Variants in PPIL4 observed in about 807,000 individuals in gnomAD.
PPIL4 encodes peptidyl-prolyl cis-trans isomerase-like 4.
In PPIL4, 50 loss-of-function variants were observed where a neutral mutation model predicts 69.1. The observed-to-expected ratio is 0.72, with a 90% CI of 0.58 to 0.92. The LOEUF is 0.92. Among genes scored for constraint, PPIL4 ranks in the 40% least tolerant of loss-of-function variants. PPIL4 has a pLI of 0.00. For synonymous variants in PPIL4, 193 were observed against 191.6 expected, an observed-to-expected ratio of 1.01 and a Z score of -0.06; for missense variants, 480 against 587.9, an observed-to-expected ratio of 0.82 and a Z score of 1.90.
At chr6:149,521,335 C>T (rs1562258722) in intron 9 of PPIL4, among the ~76,000 whole-genome samples, 164 bp from the exon 10 acceptor site, 1 of 152,190 alleles carries the variant, frequency 6.6e-6, no homozygotes, top group Admixed American at 6.5e-5. Context: ...TCAAATACCT[C>T]TGGTAACAAC....
Position 149,512,214 on chromosome 6 carries a change from G to A in PPIL4, c.1168C>T (p.His390Tyr), listed in dbSNP as rs747835467. ...TCTTCTTTCTCTTCAGAACAGTGAT[G>A]GGTTTTCTTCTTGTGTTTTTTACTT... Reference protein sequence around the residue: ...HTSKKHKKKTHHCSEEKEDED... With the variant: ...HTSKKHKKKTYHCSEEKEDED... Residue 390 changes from histidine to tyrosine, a missense_variant, in exon 12 of 13, where the codon CAT becomes TAT. Physicochemically the swap from His to Tyr is moderately conservative, Grantham distance 83 (BLOSUM62 2). Coordinates refer to ENST00000253329, the MANE Select transcript of PPIL4 (RefSeq NM_139126.4). The A allele has an allele frequency of 1.9e-6, 3 of 1,613,262 alleles. No individual in the cohort carries two copies. Among genetic ancestry groups the A allele is most frequent in the Non-Finnish European group, 2.5e-6 (3 of 1,179,430 alleles).
chr6:149,543,289 A>G (rs1777390662), intron 1 of PPIL4, among the ~76,000 whole-genome samples: 1 of 152,200 alleles, frequency 6.6e-6, no homozygotes, highest in African/African-American at 2.4e-5. Flanking sequence ...TATAGGAAAC[A>G]GGGGACACAA....
In PPIL4 at chr6:149,524,772, G is replaced by A. The variant is rs190036183; in HGVS notation, c.870+371C>T. ...AAAAAATTAGCAGGGCATGGTGGTG[G>A]GCACCTGTAATCCCAGCTACTGGGG... On this transcript the variant is annotated intron_variant, in intron 9 of 12. Transcript: ENST00000253329. Among the ~76,000 whole-genome samples, 201 of 152,080 alleles carry A rather than the reference G, an allele frequency of 1.3e-3. 1 individual carries two copies. Among genetic ancestry groups the A allele is most frequent in the African/African-American group, 4.8e-3 (200 of 41,494 alleles).
intron 6 of PPIL4, among the ~76,000 whole-genome samples, 169 bp from the exon 7 acceptor site, chr6:149,533,743 G>C (rs1343881090): frequency 6.6e-6 from 1 of 152,060 alleles, no homozygotes; most frequent in African/African-American, 2.4e-5. Flanking sequence ...GACACAGTGA[G>C]ATCTTGTCTC....
Position 149,525,326 on chromosome 6 carries a change from A to G in PPIL4, c.804-117T>C, listed in dbSNP as rs139214711. ...GTTACTACAAGGCAAAGTTAAATTC[A>G]TAGATTATTTTTCCAAATTCATTTA... On this transcript the variant is annotated intron_variant, in intron 8 of 12. Coordinates refer to ENST00000253329, the MANE Select transcript of PPIL4 (RefSeq NM_139126.4). The G allele has an allele frequency of 2.4e-3, 1,350 of 551,038 alleles. 4 individuals carry two copies. The highest frequency in any genetic ancestry group is 3.3e-3 in the Non-Finnish European group (1,018 of 304,232). The allele number at this position is 551,038 out of a possible 1,614,324, so 34.1% of individuals were successfully genotyped here.
chr6:149,516,273 GCTT>G (rs1332143507), intron 11 of PPIL4, among the ~76,000 whole-genome samples: 19 of 152,110 alleles, frequency 1.2e-4, no homozygotes, highest in Admixed American at 4.6e-4. Context: ...CCAAATCTCA[GCTT>G]CTTATTTGGT....
intron 9 of PPIL4, among the ~76,000 whole-genome samples, chr6:149,521,682 T>C (rs1486201648): frequency 6.6e-6 from 1 of 152,248 alleles, no homozygotes; most frequent in African/African-American, 2.4e-5. Context: ...GATTATGGAA[T>C]GCTGACCCAG....
rs535937892 is a variant in PPIL4 at position 149,507,249 on chromosome 6, A to G, written c.1228-1545T>C. Among the ~76,000 whole-genome samples, 338 of 152,376 alleles carry G rather than the reference A, an allele frequency of 2.2e-3. 1 individual carries two copies. The highest frequency in any genetic ancestry group is 3.1e-3 in the Non-Finnish European group (213 of 68,034). On this transcript the variant is annotated intron_variant, in intron 12 of 12. Transcript: ENST00000253329. ...TACTGTCTAGATACTGTACACCTTG[A>G]GTTTGACAGTGTGTGAAAACAGATG...
At chr6:149,544,209 C>A (rs1777406522) in intron 1 of PPIL4, among the ~76,000 whole-genome samples, 1 of 152,092 alleles carries the variant, frequency 6.6e-6, no homozygotes, top group South Asian at 2.1e-4. Flanking sequence ...CAAAGAAAAG[C>A]AAAATCAAGA....
In PPIL4 at chr6:149,541,589, G is replaced by C; in HGVS notation, c.71-3C>G. The C allele has an allele frequency of 6.6e-7, 1 of 1,518,790 alleles. No homozygotes were observed. The allele number at this position is 1,518,790 out of a possible 1,614,324, so 94.1% of individuals were successfully genotyped here. A position where few individuals can be genotyped will look rare whatever the true frequency, so the allele number is the denominator to read the frequency against. On this transcript the variant is annotated splice_polypyrimidine_tract_variant and splice_region_variant and intron_variant, in intron 1 of 12. Coordinates refer to ENST00000253329, the MANE Select transcript of PPIL4 (RefSeq NM_139126.4). ...CAGTTTCAAGAAATTCAAGCAGGCT[G>C]AAAGAAAGTAAATACCAAATTTATC...
chr6:149,544,294 T>C (rs1777408084), intron 1 of PPIL4, among the ~76,000 whole-genome samples: 1 of 152,236 alleles, frequency 6.6e-6, no homozygotes, highest in South Asian at 2.1e-4. Flanking sequence ...TACCCCAGTA[T>C]TATGAGGCAA....
At chr6:149,531,830 C>A (rs1777204412) in intron 7 of PPIL4, among the ~76,000 whole-genome samples, 1 of 152,042 alleles carries the variant, frequency 6.6e-6, no homozygotes, top group Admixed American at 6.5e-5. Context: ...CCTCTATACC[C>A]AGCTAATTTT....
intron 7 of PPIL4, among the ~76,000 whole-genome samples, chr6:149,529,688 G>A (rs557407252): frequency 6.6e-6 from 1 of 151,106 alleles, no homozygotes; most frequent in South Asian, 2.1e-4. Flanking sequence ...TCTTGAACCT[G>A]GGAGGCAGAG....
At chr6:149,509,186 T>C (rs1776806919) in intron 12 of PPIL4, among the ~76,000 whole-genome samples, 1 of 152,014 alleles carries the variant, frequency 6.6e-6, no homozygotes. Flanking sequence ...TGCCTTAAAA[T>C]TTCAACTTAA....
Position 149,541,519 on chromosome 6 carries a change from C to A in PPIL4, c.138G>T (p.Gln46His). 6.4e-7 allele frequency: 1 copy of A among 1,567,258 alleles called. No homozygotes were observed. The highest frequency in any genetic ancestry group is 8.8e-7 in the Non-Finnish European group (1 of 1,138,354). The stretch of plus-strand genomic sequence containing the variant: ...AAATGACTAATATCTACCAACTCAC[C>A]TGTACATTGTGAATAAGGCAATAAT... Reference protein sequence around the residue: ...YYNYCLIHNVQRDFIIQTGDP... With the variant: ...YYNYCLIHNVHRDFIIQTGDP... The change falls in exon 2 of 13, where the codon CAG becomes CAT. Residue 46 changes from glutamine to histidine, a missense_variant and splice_region_variant. Gln to His is a conservative substitution (Grantham distance 24). Coordinates refer to ENST00000253329, the MANE Select transcript of PPIL4 (RefSeq NM_139126.4).
intron 12 of PPIL4, among the ~76,000 whole-genome samples, chr6:149,509,125 G>A (rs994053592): frequency 1.3e-5 from 2 of 151,956 alleles, no homozygotes; most frequent in African/African-American, 4.8e-5. Flanking sequence ...TACTTTAAGG[G>A]GAGAAGTTAG....
intron 5 of PPIL4, among the ~76,000 whole-genome samples, 160 bp from the exon 6 acceptor site, chr6:149,534,934 T>C (rs1777252432): frequency 6.6e-6 from 1 of 152,200 alleles, no homozygotes; most frequent in Non-Finnish European, 1.5e-5. Context: ...TCACAATGAG[T>C]GTTACTGTTT....
chr6:149,512,733 T>C (rs763986865), intron 11 of PPIL4, among the ~76,000 whole-genome samples: 6 of 152,146 alleles, frequency 3.9e-5, no homozygotes, highest in Non-Finnish European at 4.4e-5. Flanking sequence ...CGAGTTATCA[T>C]GTTTAAATTC....
At chr6:149,542,171 A>G (rs911903141) in intron 1 of PPIL4, among the ~76,000 whole-genome samples, 5 of 152,162 alleles carry the variant, frequency 3.3e-5, no homozygotes, top group Admixed American at 6.6e-5. Context: ...GATTGATTTT[A>G]TTACGAGAAA....
Sources: allele counts gnomAD v4.1 joint callset (sites outside exome capture counted in the v4.1 genomes callset), GRCh38; gene constraint gnomAD v4.1.1; transcripts MANE v1.5; gene names NCBI Gene and HGNC (gene_info 2026-07-23, HGNC 2026-07-21).